Variants in SUGCT observed in about 807,000 individuals in gnomAD.
The protein encoded by SUGCT is succinyl-CoA:glutarate CoA-transferase.
A neutral mutation model predicts 55.0 loss-of-function variants in SUGCT; 41 were observed. That is an observed-to-expected ratio of 0.74 (90% confidence interval 0.58 to 0.97). The LOEUF is 0.97. SUGCT is among the 50% of genes least tolerant of loss of function. The probability of loss-of-function intolerance (pLI) is 0.00; values close to 1 mark genes in which losing one functional copy is unlikely to be tolerated. For missense variants in SUGCT, 568 were observed against 547.8 expected (o/e 1.04, Z -0.37); for synonymous variants, 187 against 200.4 (o/e 0.93, Z 0.56).
intron 12 of SUGCT, among the ~76,000 whole-genome samples, chr7:40,515,906 G>A (rs1448309315): frequency 6.6e-6 from 1 of 152,158 alleles, no homozygotes; most frequent in East Asian, 1.9e-4. Context: ...ATTTTCCAAC[G>A]TGGCTGCGCC....
At chr7:40,694,959 T>C (rs1348860984) in intron 12 of SUGCT, among the ~76,000 whole-genome samples, 1 of 152,166 alleles carries the variant, frequency 6.6e-6, no homozygotes, top group Non-Finnish European at 1.5e-5. Flanking sequence ...TCACTTTGGC[T>C]TGAAGAGCAG....
At chr7:40,296,232 A>G (rs1391427733) in intron 8 of SUGCT, among the ~76,000 whole-genome samples, 2 of 152,204 alleles carry the variant, frequency 1.3e-5, no homozygotes, top group East Asian at 3.8e-4. Context: ...TACTTATGCT[A>G]GTTTCCTTTT....
Position 40,541,449 on chromosome 7 carries a change from A to G in SUGCT, c.1089+45063A>G, listed in dbSNP as rs144122714. 9.0e-3 allele frequency among the ~76,000 whole-genome samples: 1,376 copies of G among 152,342 alleles called. 12 individuals are homozygous for G. The highest frequency in any genetic ancestry group is 0.02 in the Middle Eastern group (6 of 294). ...ATTAAGAAAATCCTCAAACAGGTCT[A>G]TATTGGTCAGATATGAACATATTCA... On this transcript the variant is annotated intron_variant, in intron 12 of 13. Transcript: ENST00000335693.
At chr7:40,501,755 A>G (rs1419209178) in intron 12 of SUGCT, among the ~76,000 whole-genome samples, 1 of 152,120 alleles carries the variant, frequency 6.6e-6, no homozygotes, top group Non-Finnish European at 1.5e-5. Flanking sequence ...CAAAGCTGTC[A>G]AAATTTCAAG....
intron 12 of SUGCT, among the ~76,000 whole-genome samples, chr7:40,569,035 C>T (rs1416001492): frequency 1.3e-5 from 2 of 152,176 alleles, no homozygotes; most frequent in Non-Finnish European, 2.9e-5. Context: ...ATAATACATG[C>T]GTTGGCCCAA....
At position 40,527,508 on chromosome 7, in the gene SUGCT, G is replaced by C. The variant is rs1018187228; in HGVS notation, c.1089+31122G>C. Among the ~76,000 whole-genome samples, 11 of 152,184 alleles carry C rather than the reference G, an allele frequency of 7.2e-5. No individual in the cohort carries two copies. The East Asian group carries it at 1.5e-3, about 21-fold the overall frequency. ...TAAACACCAAATATGAGCATGTGGG[G>C]ATGGTTTATTTCTTTTTACATTGAC... On this transcript the variant is annotated intron_variant, in intron 12 of 13. Transcript: ENST00000335693.
intron 6 of SUGCT, among the ~76,000 whole-genome samples, chr7:40,224,418 GTGTGTGTGTGTGCA>G (rs1259052887): frequency 2.0e-5 from 3 of 150,530 alleles, no homozygotes; most frequent in Non-Finnish European, 4.4e-5. Context: ...GTGTGTGTGT[GTGTGTGTGTGTGCA>G]TGCATGTGTA....
At chr7:40,815,932 A>G (rs999927440) in intron 13 of SUGCT, among the ~76,000 whole-genome samples, 1 of 152,186 alleles carries the variant, frequency 6.6e-6, no homozygotes, top group Non-Finnish European at 1.5e-5. Context: ...TGGGTGCTCC[A>G]AATGCCTGGA....
At chr7:40,769,893 G>A (rs1183403475) in intron 13 of SUGCT, among the ~76,000 whole-genome samples, 1 of 152,184 alleles carries the variant, frequency 6.6e-6, no homozygotes, top group Admixed American at 6.5e-5. Flanking sequence ...AGGAAGCATA[G>A]CTGTCTGACT....
intron 6 of SUGCT, among the ~76,000 whole-genome samples, chr7:40,233,916 G>A (rs1483684548): frequency 6.6e-6 from 1 of 152,154 alleles, no homozygotes; most frequent in East Asian, 1.9e-4. Context: ...ACTATAATTT[G>A]AATCCAGATT....
intron 12 of SUGCT, among the ~76,000 whole-genome samples, chr7:40,600,681 G>T (rs572046068): frequency 6.6e-6 from 1 of 151,418 alleles, no homozygotes; most frequent in African/African-American, 2.4e-5. Flanking sequence ...TCTTGATCAA[G>T]GGGACATGTG....
the SUGCT span, among the ~76,000 whole-genome samples, chr7:40,989,122 C>T: frequency 6.6e-6 from 1 of 152,064 alleles, no homozygotes; most frequent in Non-Finnish European, 1.5e-5. Flanking sequence ...AAAAAATACT[C>T]AAGATCATTT....
the SUGCT span, among the ~76,000 whole-genome samples, chr7:40,889,064 A>C: frequency 1.3e-5 from 2 of 152,196 alleles, no homozygotes; most frequent in Non-Finnish European, 2.9e-5. Flanking sequence ...AATGCGCCGG[A>C]GCTTGACTGT....
At chr7:40,216,590 A>G (rs1227763141) in intron 6 of SUGCT, among the ~76,000 whole-genome samples, 2 of 150,506 alleles carry the variant, frequency 1.3e-5, no homozygotes, top group African/African-American at 2.4e-5. Flanking sequence ...AGTAGCTCAC[A>G]CATGTAATCT....
At chr7:40,634,973 T>C (rs983276592) in intron 12 of SUGCT, among the ~76,000 whole-genome samples, 3 of 152,088 alleles carry the variant, frequency 2.0e-5, no homozygotes, top group Non-Finnish European at 4.4e-5. Context: ...TCGAACGCAG[T>C]TGAAGTGACA....
chr7:40,836,154 C>A (rs1181336004), intron 13 of SUGCT, among the ~76,000 whole-genome samples: 1 of 152,002 alleles, frequency 6.6e-6, no homozygotes, highest in Non-Finnish European at 1.5e-5. Flanking sequence ...TCAACTCAGC[C>A]TCCTAAAACT....
chr7:40,322,121 T>TA (rs1385248535), intron 9 of SUGCT, among the ~76,000 whole-genome samples: 1 of 152,212 alleles, frequency 6.6e-6, no homozygotes, highest in Non-Finnish European at 1.5e-5. Flanking sequence ...AGTGTTTTTT[T>TA]ATAGATGAAA....
chr7:40,877,410 G>A, the SUGCT span, among the ~76,000 whole-genome samples: 2 of 152,126 alleles, frequency 1.3e-5, no homozygotes, highest in Non-Finnish European at 2.9e-5. Context: ...CAGTGTAAAC[G>A]TAATTTTGAC....
chr7:40,670,659 A>G (rs1415067744), intron 12 of SUGCT, among the ~76,000 whole-genome samples: 1 of 152,164 alleles, frequency 6.6e-6, no homozygotes, highest in Non-Finnish European at 1.5e-5. Flanking sequence ...TGCCTGACTT[A>G]AATTTGACAA....
Sources: gnomAD v4.1 joint callset for allele counts (sites outside exome capture counted in the v4.1 genomes callset) on GRCh38, gnomAD v4.1.1 for gene constraint, MANE v1.5 for transcripts, NCBI Gene and HGNC (gene_info 2026-07-23, HGNC 2026-07-21) for gene names.